Variants in SDCCAG8 observed in about 807,000 individuals in gnomAD.
The protein encoded by SDCCAG8 is SHH signaling and ciliogenesis regulator SDCCAG8.
A neutral mutation model predicts 101.8 loss-of-function variants in SDCCAG8; 74 were observed. The observed-to-expected ratio is 0.73, with a 90% CI of 0.60 to 0.88. The LOEUF is 0.88. SDCCAG8 is among the 40% of genes least tolerant of loss of function. The probability of loss-of-function intolerance (pLI) is 0.00; values close to 1 mark genes in which losing one functional copy is unlikely to be tolerated. For synonymous variants in SDCCAG8, 281 were observed against 292.9 expected (o/e 0.96, Z 0.41); for missense variants, 787 against 822.6 (o/e 0.96, Z 0.53).
At chr1:243,480,668 TGGATGGATGGGTG>T (rs1257321127) in intron 16 of SDCCAG8, among the ~76,000 whole-genome samples, 5 of 118,964 alleles carry the variant, frequency 4.2e-5, no homozygotes, top group African/African-American at 1.7e-4. Context: ...GTGGGATGGA[TGGATGGATGGGTG>T]GGATGGATGG....
chr1:243,310,264 A>C (rs2072594077), intron 8 of SDCCAG8, among the ~76,000 whole-genome samples: 1 of 152,198 alleles, frequency 6.6e-6, no homozygotes, highest in Non-Finnish European at 1.5e-5. Flanking sequence ...CAATATAACT[A>C]TTAAACATGT....
rs560788976 is a variant in SDCCAG8, at chr1:243,328,769, A to C, written c.1069-1771A>C. On this transcript the variant is annotated intron_variant, in intron 9 of 17. Coordinates refer to ENST00000366541, the MANE Select transcript of SDCCAG8 (RefSeq NM_006642.5). ...CACTGTATCATCCTATCTTGGCATT[A>C]CACCTCTTATCCTGCCAGGATTATT... Among the ~76,000 whole-genome samples the C allele has an allele frequency of 2.0e-5, 3 of 152,266 alleles. 1 individual carries two copies. The highest frequency in any genetic ancestry group is 1.3e-4 in the Admixed American group (2 of 15,286).
chr1:243,375,705 A>G (rs1005736582), intron 12 of SDCCAG8, among the ~76,000 whole-genome samples: 1 of 152,182 alleles, frequency 6.6e-6, no homozygotes, highest in African/African-American at 2.4e-5. Flanking sequence ...GTAATGTACA[A>G]TTGGCCTATG....
chr1:243,273,020 T>C (rs995924053), intron 3 of SDCCAG8, among the ~76,000 whole-genome samples: 8 of 152,236 alleles, frequency 5.3e-5, no homozygotes, highest in Admixed American at 5.2e-4. Context: ...ATTTTTCACA[T>C]TGACTTCCTC....
At chr1:243,287,056 G>A (rs2069691764) in intron 5 of SDCCAG8, among the ~76,000 whole-genome samples, 1 of 152,206 alleles carries the variant, frequency 6.6e-6, no homozygotes, top group South Asian at 2.1e-4. Context: ...AGTTGCCTAA[G>A]TGATTCTAAT....
At chr1:243,357,412 T>G (rs1405318537) in intron 12 of SDCCAG8, among the ~76,000 whole-genome samples, 1 of 152,078 alleles carries the variant, frequency 6.6e-6, no homozygotes, top group African/African-American at 2.4e-5. Flanking sequence ...AAGGTAACTT[T>G]TGTCTTTAGT....
At chr1:243,480,366 G>A (rs537838081) in intron 16 of SDCCAG8, among the ~76,000 whole-genome samples, 5 of 103,730 alleles carry the variant, frequency 4.8e-5, no homozygotes, top group African/African-American at 1.9e-4. Flanking sequence ...TGGGTGGGAT[G>A]GATGGATGGG....
chr1:243,331,946 G>A (rs1283214068), intron 10 of SDCCAG8, among the ~76,000 whole-genome samples: 1 of 152,202 alleles, frequency 6.6e-6, no homozygotes, highest in Non-Finnish European at 1.5e-5. Flanking sequence ...AAGCCATAAG[G>A]TTCGGTTTAG....
At chr1:243,415,887 T>G in intron 14 of SDCCAG8, 58 bp downstream of exon 14, 1 of 1,595,726 alleles carries the variant, frequency 6.3e-7, no homozygotes, top group Non-Finnish European at 8.5e-7. Flanking sequence ...GGCCCACGCC[T>G]TACTGTGAAA....
At chr1:243,478,964 A>AAAAAAAAAG (rs1662966502) in intron 16 of SDCCAG8, among the ~76,000 whole-genome samples, 1 of 151,600 alleles carries the variant, frequency 6.6e-6, no homozygotes, top group Non-Finnish European at 1.5e-5. Flanking sequence ...CTCAAAAAAA[A>AAAAAAAAAG]AAAAAAAAAA....
At chr1:243,273,240 A>G (rs1034167728) in intron 3 of SDCCAG8, among the ~76,000 whole-genome samples, 14 of 152,178 alleles carry the variant, frequency 9.2e-5, no homozygotes, top group Non-Finnish European at 1.5e-4. Context: ...ATTATCATTT[A>G]AAATGTCTGC....
chr1:243,480,826 G>A (rs1417542991), intron 16 of SDCCAG8, among the ~76,000 whole-genome samples: 3 of 140,190 alleles, frequency 2.1e-5, no homozygotes, highest in African/African-American at 5.4e-5. Context: ...GGGATGGATG[G>A]ATGGATGGAT....
At chr1:243,430,299 G>C (rs1481636745) in intron 16 of SDCCAG8, among the ~76,000 whole-genome samples, 1 of 152,152 alleles carries the variant, frequency 6.6e-6, no homozygotes, top group Non-Finnish European at 1.5e-5. Flanking sequence ...AAGTTCCTGA[G>C]ATAAGAAAGC....
At chr1:243,498,420 G>C (rs935347299) in intron 17 of SDCCAG8, among the ~76,000 whole-genome samples, 2 of 152,174 alleles carry the variant, frequency 1.3e-5, no homozygotes, top group African/African-American at 4.8e-5. Context: ...CACGGGCCTG[G>C]GAGGGCTGTG....
intron 1 of SDCCAG8, among the ~76,000 whole-genome samples, chr1:243,260,092 A>G (rs1228034680): frequency 6.6e-6 from 1 of 152,164 alleles, no homozygotes; most frequent in African/African-American, 2.4e-5. Context: ...TGGGTCGCCT[A>G]TGCCCTTTTA....
intron 16 of SDCCAG8, among the ~76,000 whole-genome samples, chr1:243,463,620 C>T (rs1027046733): frequency 1.3e-5 from 2 of 152,152 alleles, no homozygotes; most frequent in African/African-American, 4.8e-5. Context: ...TAAAACCAGA[C>T]TTTTATCTTG....
At chr1:243,471,478 G>T (rs991594314) in intron 16 of SDCCAG8, among the ~76,000 whole-genome samples, 2 of 152,124 alleles carry the variant, frequency 1.3e-5, no homozygotes, top group African/African-American at 4.8e-5. Flanking sequence ...TCCCTAATCT[G>T]GTAATTAATA....
chr1:243,287,476 G>A (rs1199474347), intron 5 of SDCCAG8, among the ~76,000 whole-genome samples: 2 of 151,684 alleles, frequency 1.3e-5, no homozygotes, highest in Non-Finnish European at 2.9e-5. Flanking sequence ...TATATGTTAG[G>A]GTTTGCTATT....
chr1:243,439,862 C>G (rs2082412190), intron 16 of SDCCAG8, among the ~76,000 whole-genome samples: 2 of 152,224 alleles, frequency 1.3e-5, no homozygotes, highest in Admixed American at 1.3e-4. Flanking sequence ...GCCAGCCTCT[C>G]AGCGGGGCTT....
Sources: gnomAD v4.1 joint callset for allele counts (sites outside exome capture counted in the v4.1 genomes callset) on GRCh38, gnomAD v4.1.1 for gene constraint, MANE v1.5 for transcripts, NCBI Gene and HGNC (gene_info 2026-07-23, HGNC 2026-07-21) for gene names.